Variants in RLF observed in about 807,000 individuals in gnomAD.
RLF encodes the protein zinc finger protein Rlf.
In RLF, 7 loss-of-function variants were observed where a neutral mutation model predicts 162.9. The ratio of observed to expected loss-of-function variants is 0.04; its 90% CI spans 0.02 to 0.08. The LOEUF (loss-of-function observed/expected upper bound fraction) is 0.08, where lower values mean the gene tolerates loss of function less well. Among genes scored for constraint, RLF ranks in the 10% least tolerant of loss-of-function variants. The pLI, the probability that RLF is intolerant of heterozygous loss-of-function variation, is 1.00. For synonymous variants in RLF, 782 were observed against 791.5 expected, an observed-to-expected ratio of 0.99 and a Z score of 0.20; for missense variants, 1,664 against 2,244.7, an observed-to-expected ratio of 0.74 and a Z score of 5.23.
At chr1:40,231,082 A>G (rs7556427) in intron 6 of RLF, among the ~76,000 whole-genome samples, 28,457 of 151,888 alleles carry the variant, frequency 0.19, 2,802 homozygotes, top group Non-Finnish European at 0.21. Context: ...CTTTAAGATC[A>G]CTGTATAGAA....
chr1:40,175,778 C>T (rs1263114714), intron 1 of RLF, among the ~76,000 whole-genome samples: 2 of 144,820 alleles, frequency 1.4e-5, no homozygotes, highest in Admixed American at 7.0e-5. Flanking sequence ...GAACAAGACT[C>T]CATCTCAAAA....
At chr1:40,184,882 G>T (rs981650756) in intron 1 of RLF, among the ~76,000 whole-genome samples, 5 of 152,030 alleles carry the variant, frequency 3.3e-5, no homozygotes, top group Non-Finnish European at 7.3e-5. Context: ...ACTTTAGGAG[G>T]TCATCTTTAT....
intron 6 of RLF, among the ~76,000 whole-genome samples, chr1:40,228,896 C>T (rs1643115626): frequency 6.6e-6 from 1 of 152,104 alleles, no homozygotes; most frequent in African/African-American, 2.4e-5. Context: ...GGCTCAATGA[C>T]CACCCTGCCC....
chr1:40,230,420 GT>G (rs1045553537), intron 6 of RLF, among the ~76,000 whole-genome samples: 3 of 151,638 alleles, frequency 2.0e-5, no homozygotes, highest in African/African-American at 4.8e-5. Flanking sequence ...TTAGTTTAGT[GT>G]TTTTTTTGTT....
chr1:40,207,312 T>C (rs1642809657), intron 5 of RLF, among the ~76,000 whole-genome samples: 3 of 152,268 alleles, frequency 2.0e-5, no homozygotes, highest in Admixed American at 2.0e-4. Context: ...AGCTGGAACA[T>C]TCCACTCATG....
rs1220699572 is a variant in RLF, at chr1:40,185,684, C to T, written c.238-3371C>T. ...AAAAAAAAAAAAAAAAAAAATTAGC[C>T]GGGCATGGTGGCGGGTGCCTGTAGT... On this transcript the variant is annotated intron_variant, in intron 1 of 7. Coordinates refer to ENST00000372771, the MANE Select transcript of RLF (RefSeq NM_012421.4). 3.4e-3 allele frequency among the ~76,000 whole-genome samples: 478 copies of T among 139,508 alleles called. 8 individuals carry two copies. Among genetic ancestry groups the T allele is most frequent in the East Asian group, 0.027 (127 of 4,736 alleles). The allele number at this position is 139,508 out of a possible 152,430, so 91.5% of individuals were successfully genotyped here.
At chr1:40,176,165 C>G (rs1363792041) in intron 1 of RLF, among the ~76,000 whole-genome samples, 1 of 152,072 alleles carries the variant, frequency 6.6e-6, no homozygotes, top group Middle Eastern at 3.4e-3. Context: ...TGAATTGTTT[C>G]CAGTTTTTGA....
intron 1 of RLF, among the ~76,000 whole-genome samples, chr1:40,188,764 T>C (rs867548230): frequency 1.3e-5 from 2 of 152,212 alleles, no homozygotes; most frequent in Non-Finnish European, 1.5e-5. Context: ...TATTGAATTA[T>C]AGAGATGGCA....
intron 4 of RLF, 24 bp downstream of exon 4, chr1:40,195,788 T>G: frequency 6.3e-7 from 1 of 1,598,278 alleles, no homozygotes; most frequent in Non-Finnish European, 8.5e-7. Context: ...CTATATTGGA[T>G]GAGGATTTAG....
Position 40,238,419 on chromosome 1 carries a change from T to C in RLF, c.3717T>C (p.Ser1239=). The C allele has an allele frequency of 6.2e-7, 1 of 1,614,156 alleles. No individual in the cohort carries two copies. Among genetic ancestry groups the C allele is most frequent in the East Asian group, 2.2e-5 (1 of 44,874 alleles). Residue 1239 remains serine (S), a synonymous_variant, in exon 8 of 8, where the codon TCT becomes TCC. Coordinates refer to ENST00000372771, the MANE Select transcript of RLF (RefSeq NM_012421.4). The surrounding 1 kb of genome is among the most constrained non-coding windows in gnomAD (Gnocchi z 5.2). ...AELGGDPSSN[S]EKPHCHPKKD... Reference sequence around the variant, plus strand: ...TTGGAGGTGATCCCAGTAGTAACTCTGAGAAACCACACTGTCATCCTAAAA... The same window carrying C: ...TTGGAGGTGATCCCAGTAGTAACTCCGAGAAACCACACTGTCATCCTAAAA...
At position 40,222,703 on chromosome 1, in the gene RLF, T is replaced by C; in HGVS notation, c.940T>C (p.Cys314Arg). The C allele has an allele frequency of 1.2e-6, 2 of 1,612,902 alleles. No individual in the cohort carries two copies. The highest frequency in any genetic ancestry group is 1.7e-6 in the Non-Finnish European group (2 of 1,179,580). Reference protein sequence around the residue: ...TQQLQTASVYCSWELTLFWSK... With the variant: ...TQQLQTASVYRSWELTLFWSK... Reference sequence around the variant, plus strand: ...GCAGCTCCAAACTGCAAGTGTATATTGTTCTTGGTAAGTATATTTAGTTTT... The same window carrying C: ...GCAGCTCCAAACTGCAAGTGTATATCGTTCTTGGTAAGTATATTTAGTTTT... The change falls in exon 6 of 8, where the codon TGT (cysteine) becomes CGT (arginine). Residue 314 changes from cysteine to arginine, a missense_variant. Around this residue, in one of 15 missense-constraint regions of RLF, gnomAD observed 287 missense variants for 404.9 expected, o/e 0.71. Transcript: ENST00000372771.
At chr1:40,165,999 A>G (rs1019633333) in intron 1 of RLF, among the ~76,000 whole-genome samples, 1 of 152,170 alleles carries the variant, frequency 6.6e-6, no homozygotes, top group African/African-American at 2.4e-5. Context: ...TGGCTCTAAT[A>G]TTATGGTCTT....
At chr1:40,201,432 T>C (rs1418632414) in intron 4 of RLF, among the ~76,000 whole-genome samples, 2 of 151,790 alleles carry the variant, frequency 1.3e-5, no homozygotes, top group Non-Finnish European at 2.9e-5. Context: ...GAGACCATCC[T>C]GGCTAACAAC....
intron 6 of RLF, among the ~76,000 whole-genome samples, chr1:40,226,288 C>T (rs1396298091): frequency 2.0e-5 from 3 of 151,722 alleles, no homozygotes; most frequent in Admixed American, 6.6e-5. Flanking sequence ...TCAGTGGTAA[C>T]GTAATTGGAA....
At chr1:40,175,146 G>A (rs1181214333) in intron 1 of RLF, among the ~76,000 whole-genome samples, 1 of 146,144 alleles carries the variant, frequency 6.8e-6, no homozygotes, top group Non-Finnish European at 1.5e-5. Flanking sequence ...AGCTGTGTTT[G>A]TGCCACTGCA....
chr1:40,187,003 CAT>C (rs1471866400), intron 1 of RLF, among the ~76,000 whole-genome samples: 2 of 151,822 alleles, frequency 1.3e-5, no homozygotes, highest in South Asian at 4.2e-4. Flanking sequence ...TTTTTTGTAA[CAT>C]AGATTTTAAT....
intron 1 of RLF, among the ~76,000 whole-genome samples, chr1:40,176,606 AT>A (rs1008908029): frequency 4.5e-4 from 69 of 152,142 alleles, no homozygotes; most frequent in African/African-American, 1.7e-3. Context: ...CACCTGGCTA[AT>A]TTTTTTGTAT....
intron 5 of RLF, among the ~76,000 whole-genome samples, chr1:40,217,087 C>T (rs184909136): frequency 5.3e-5 from 8 of 152,250 alleles, no homozygotes; most frequent in Non-Finnish European, 8.8e-5. Flanking sequence ...TCCACTCATG[C>T]AACTTCTGTT....
chr1:40,217,671 C>T (rs544941738), intron 5 of RLF, among the ~76,000 whole-genome samples: 32 of 152,028 alleles, frequency 2.1e-4, no homozygotes, highest in Admixed American at 5.9e-4. Context: ...ACTCGGAAGG[C>T]TGAGGCAGGA....
Sources: gnomAD v4.1 joint callset for allele counts (sites outside exome capture counted in the v4.1 genomes callset) on GRCh38, gnomAD v4.1.1 for gene constraint, gnomAD v4.1.1 regional missense constraint, Gnocchi (gnomAD v3.1) non-coding constraint, MANE v1.5 for transcripts, NCBI Gene and HGNC (gene_info 2026-07-23, HGNC 2026-07-21) for gene names.